Variants in SEMA3A observed in about 807,000 individuals in gnomAD.
SEMA3A encodes the protein semaphorin 3A.
A neutral mutation model predicts 97.9 loss-of-function variants in SEMA3A; 29 were observed. That is an observed-to-expected ratio of 0.30 (90% CI 0.22 to 0.40). The LOEUF (loss-of-function observed/expected upper bound fraction) is 0.40, where lower values mean the gene tolerates loss of function less well. Ranked by LOEUF, SEMA3A falls within the 10% of genes least tolerant of loss-of-function variation. SEMA3A has a pLI of 1.00. For missense variants in SEMA3A, 763 were observed against 951.3 expected (o/e 0.80, Z 2.60); for synonymous variants, 321 against 323.7 (o/e 0.99, Z 0.09).
chr7:84,314,201 T>C (rs1271391307), intron 2 of SEMA3A, among the ~76,000 whole-genome samples: 1 of 152,114 alleles, frequency 6.6e-6, no homozygotes, highest in Admixed American at 6.6e-5. Context: ...TATAAAATCC[T>C]CTCAGAATTC....
At chr7:84,364,205 C>G (rs543619612) in intron 2 of SEMA3A, among the ~76,000 whole-genome samples, 1 of 151,514 alleles carries the variant, frequency 6.6e-6, no homozygotes, top group East Asian at 1.9e-4. Flanking sequence ...CTTTTAGGAA[C>G]CTCAGTGATT....
At chr7:83,970,968 C>T (rs554605221) in intron 15 of SEMA3A, among the ~76,000 whole-genome samples, 1 of 152,256 alleles carries the variant, frequency 6.6e-6, no homozygotes, top group African/African-American at 2.4e-5. Flanking sequence ...ACAATAGATG[C>T]TCTATCAGTA....
At chr7:84,088,098 A>G (rs1449522309) in intron 4 of SEMA3A, among the ~76,000 whole-genome samples, 1 of 152,174 alleles carries the variant, frequency 6.6e-6, no homozygotes, top group South Asian at 2.1e-4. Flanking sequence ...GAAACATGTT[A>G]AATTTATCTT....
chr7:84,428,404 T>A (rs1804882718), intron 1 of SEMA3A, among the ~76,000 whole-genome samples: 1 of 152,090 alleles, frequency 6.6e-6, no homozygotes, highest in Non-Finnish European at 1.5e-5. Flanking sequence ...TATTTCATAA[T>A]CACATCAAAT....
intron 1 of SEMA3A, among the ~76,000 whole-genome samples, chr7:84,382,351 C>T (rs1177934612): frequency 1.3e-5 from 2 of 151,752 alleles, no homozygotes; most frequent in African/African-American, 4.8e-5. Flanking sequence ...AAGCAATCCA[C>T]CTACCTCGGC....
intron 3 of SEMA3A, among the ~76,000 whole-genome samples, chr7:84,239,350 T>C (rs1799308424): frequency 6.6e-6 from 1 of 152,184 alleles, no homozygotes; most frequent in South Asian, 2.1e-4. Flanking sequence ...ATAAATTTAA[T>C]ATTTTGCCCA....
At chr7:84,437,402 A>G (rs368759741) in intron 1 of SEMA3A, among the ~76,000 whole-genome samples, 1 of 151,272 alleles carries the variant, frequency 6.6e-6, no homozygotes, top group Non-Finnish European at 1.5e-5. Context: ...CATGAACATC[A>G]ATTACTTAAA....
intron 1 of SEMA3A, among the ~76,000 whole-genome samples, chr7:84,422,015 G>T (rs1804608698): frequency 6.6e-6 from 1 of 152,074 alleles, no homozygotes; most frequent in African/African-American, 2.4e-5. Context: ...TTGGCATCAG[G>T]ATGATGCTGG....
intron 1 of SEMA3A, among the ~76,000 whole-genome samples, chr7:84,386,821 G>A (rs1345815800): frequency 2.0e-5 from 3 of 151,924 alleles, no homozygotes; most frequent in Non-Finnish European, 2.9e-5. Flanking sequence ...CCAACATGGC[G>A]AAACCCTGTC....
At chr7:84,355,704 TA>T (rs1318603692) in intron 2 of SEMA3A, among the ~76,000 whole-genome samples, 1 of 151,852 alleles carries the variant, frequency 6.6e-6, no homozygotes, top group Non-Finnish European at 1.5e-5. Flanking sequence ...GCCCACATCA[TA>T]TTGTTCCCAC....
intron 4 of SEMA3A, among the ~76,000 whole-genome samples, chr7:84,103,595 T>G (rs1388003763): frequency 6.6e-6 from 1 of 152,116 alleles, no homozygotes; most frequent in Non-Finnish European, 1.5e-5. Flanking sequence ...AAATTCAGTC[T>G]AAGTTTGTTA....
upstream of SEMA3A, chr7:84,195,455 A>G (rs2116282181): frequency 6.6e-6 from 1 of 150,902 alleles, no homozygotes; most frequent in South Asian, 2.1e-4. Flanking sequence ...GTGTGTCTAT[A>G]TATCCTCATC....
At chr7:84,315,109 A>C (rs1801463275) in intron 2 of SEMA3A, among the ~76,000 whole-genome samples, 1 of 152,116 alleles carries the variant, frequency 6.6e-6, no homozygotes, top group South Asian at 2.1e-4. Context: ...AGGGTAATTA[A>C]CCTTACCAAT....
chr7:84,459,052 A>T (rs1805758005), intron 1 of SEMA3A, among the ~76,000 whole-genome samples: 1 of 152,070 alleles, frequency 6.6e-6, no homozygotes, highest in Non-Finnish European at 1.5e-5. Context: ...CACTAATATC[A>T]TCACCCTCCC....
chr7:84,195,026 G>GAGAGAGAGAGAGAGAGAGATAA (rs1798182057), upstream of SEMA3A: 1 of 30,550 alleles, frequency 3.3e-5, no homozygotes, highest in Non-Finnish European at 8.8e-5. Flanking sequence ...GAGAGAGAAA[G>GAGAGAGAGAGAGAGAGAGATAA]AGAGAGAGAG....
At chr7:84,026,717 G>A (rs2116454045) in intron 6 of SEMA3A, among the ~76,000 whole-genome samples, 1 of 152,234 alleles carries the variant, frequency 6.6e-6, no homozygotes, top group Admixed American at 6.5e-5. Flanking sequence ...TGGGGCCGGA[G>A]GCTCTTATCC....
intron 1 of SEMA3A, among the ~76,000 whole-genome samples, chr7:84,405,006 C>T (rs997699553): frequency 1.3e-5 from 2 of 152,086 alleles, no homozygotes; most frequent in East Asian, 3.9e-4. Context: ...AAATAACCAG[C>T]TAAAAACATA....
intron 3 of SEMA3A, among the ~76,000 whole-genome samples, chr7:84,232,422 ATCTC>A (rs142498521): frequency 8.2e-5 from 12 of 145,970 alleles, no homozygotes; most frequent in Admixed American, 1.4e-4. Flanking sequence ...AGATTGTTTA[ATCTC>A]TCTCTCTCTC....
intron 5 of SEMA3A, among the ~76,000 whole-genome samples, chr7:84,057,446 T>A (rs968330404): frequency 2.6e-5 from 4 of 151,872 alleles, no homozygotes; most frequent in Non-Finnish European, 2.9e-5. Flanking sequence ...ATAAAAAAAA[T>A]TTGCAGGTGG....
Sources: gnomAD v4.1 joint callset for allele counts (sites outside exome capture counted in the v4.1 genomes callset) on GRCh38, gnomAD v4.1.1 for gene constraint, MANE v1.5 for transcripts, NCBI Gene and HGNC (gene_info 2026-07-23, HGNC 2026-07-21) for gene names.